The following RIMKLA variants were observed in gnomAD, a reference collection of about 807,000 sequenced individuals.
The protein encoded by RIMKLA is N-acetylaspartylglutamate synthase A.
A neutral mutation model predicts 32.7 loss-of-function variants in RIMKLA; 14 were observed. The observed-to-expected ratio is 0.43, with a 90% confidence interval of 0.28 to 0.67. The LOEUF (loss-of-function observed/expected upper bound fraction) is 0.67. RIMKLA is among the 30% of genes least tolerant of loss of function. RIMKLA has a pLI of 0.18. For missense variants in RIMKLA, 410 were observed against 519.0 expected (o/e 0.79, Z 2.04); for synonymous variants, 176 against 204.1 (o/e 0.86, Z 1.18).
In RIMKLA at chr1:42,416,096, G is replaced by GGGGC. The variant is rs1442834977; in HGVS notation, c.*1124_*1125insGCGG. ...CCCATTGCACATTTTGCGGGGGGGG[G>GGGGC]GGCTAATGTAGACATGACACCAAGT... On this transcript the variant is annotated 3_prime_UTR_variant, in exon 5 of 5. Coordinates refer to ENST00000431473, the MANE Select transcript of RIMKLA (RefSeq NM_173642.4). The GGGGC allele has an allele frequency of 4.6e-5, 6 of 131,602 alleles. 1 individual carries two copies. Among genetic ancestry groups the GGGGC allele is most frequent in the Non-Finnish European group, 1.0e-4 (6 of 58,754 alleles). The allele number at this position is 131,602 out of a possible 1,614,324, so 8.2% of individuals were successfully genotyped here.
chr1:42,419,741 A>G lies in RIMKLA; in HGVS notation c.*4767A>G, dbSNP rs1217213285. Reference sequence around the variant, plus strand: ...AAGGCATGTATATTTCCATGATGCAAGCTGGCTCATGGCCCGCACCGTCTT... The same window carrying G: ...AAGGCATGTATATTTCCATGATGCAGGCTGGCTCATGGCCCGCACCGTCTT... On this transcript the variant is annotated 3_prime_UTR_variant, in exon 5 of 5. Coordinates refer to ENST00000431473, the MANE Select transcript of RIMKLA (RefSeq NM_173642.4). 6.6e-6 allele frequency: 1 copy of G among 152,264 alleles called. No individual in the cohort carries two copies. Among genetic ancestry groups the G allele is most frequent in the Non-Finnish European group, 1.5e-5 (1 of 68,080 alleles). 9.4% of individuals were successfully genotyped at this position (152,264 alleles called of 1,614,324 possible). A position where few individuals can be genotyped will look rare whatever the true frequency, so the allele number is the denominator to read the frequency against.
At chr1:42,385,799 CT>C (rs1642933727) in intron 1 of RIMKLA, among the ~76,000 whole-genome samples, 1 of 109,272 alleles carries the variant, frequency 9.2e-6, no homozygotes, top group African/African-American at 3.2e-5. Flanking sequence ...TTCTTTCTTT[CT>C]CTCTCTCTTT....
chr1:42,411,322 G>A (rs1643195373), intron 4 of RIMKLA, among the ~76,000 whole-genome samples: 1 of 148,598 alleles, frequency 6.7e-6, no homozygotes, highest in Non-Finnish European at 1.5e-5. Flanking sequence ...GCAACAGAGT[G>A]AGACCCTATC....
chr1:42,385,890 C>CTTTCT (rs1642941377), intron 1 of RIMKLA, among the ~76,000 whole-genome samples: 1 of 95,196 alleles, frequency 1.1e-5, no homozygotes, highest in African/African-American at 3.9e-5. Context: ...TTCTTTCTTT[C>CTTTCT]TTTCTTTCCT....
intron 1 of RIMKLA, among the ~76,000 whole-genome samples, chr1:42,393,857 T>C (rs1431154259): frequency 6.6e-6 from 1 of 152,222 alleles, no homozygotes; most frequent in Admixed American, 6.5e-5. Context: ...GGATCTCGGC[T>C]CACTGCAACC....
chr1:42,404,962 A>G (rs1261516617), intron 3 of RIMKLA, among the ~76,000 whole-genome samples: 1 of 152,130 alleles, frequency 6.6e-6, no homozygotes, highest in Non-Finnish European at 1.5e-5. Flanking sequence ...ATTCCTCATC[A>G]TGAAACTGAA....
intron 1 of RIMKLA, among the ~76,000 whole-genome samples, chr1:42,387,664 C>T (rs1022791434): frequency 3.3e-5 from 5 of 152,102 alleles, no homozygotes; most frequent in South Asian, 2.1e-4. Context: ...GCAGGCTTCA[C>T]GCTCATTATT....
intron 2 of RIMKLA, 51 bp from the exon 3 acceptor site, chr1:42,404,460 G>A (rs1384181116): frequency 1.2e-5 from 15 of 1,273,858 alleles, no homozygotes; most frequent in South Asian, 2.4e-5. Context: ...TGGGGTGACC[G>A]CTACCTGACT....
At position 42,423,315 on chromosome 1, in the gene RIMKLA, A is replaced by G. The variant is rs1643309835; in HGVS notation, c.*8341A>G. The stretch of plus-strand genomic sequence containing the variant: ...GTTTCTTTCTTCTTCTCTTACATGA[A>G]AATCGTCAAACTACACAAAAGTGGA... On this transcript the variant is annotated 3_prime_UTR_variant, in exon 5 of 5. Coordinates refer to ENST00000431473, the MANE Select transcript of RIMKLA (RefSeq NM_173642.4). Among the ~76,000 whole-genome samples the G allele has an allele frequency of 6.6e-6, 1 of 152,174 alleles. No individual in the cohort carries two copies. Among genetic ancestry groups the G allele is most frequent in the Non-Finnish European group, 1.5e-5 (1 of 68,032 alleles).
chr1:42,405,171 G>A (rs1422714994), intron 3 of RIMKLA, among the ~76,000 whole-genome samples: 1 of 152,084 alleles, frequency 6.6e-6, no homozygotes, highest in African/African-American at 2.4e-5. Flanking sequence ...ATCCTTTAAG[G>A]CCAGCTCCAG....
At chr1:42,403,659 T>C (rs1643119608) in intron 2 of RIMKLA, among the ~76,000 whole-genome samples, 1 of 152,104 alleles carries the variant, frequency 6.6e-6, no homozygotes, top group Non-Finnish European at 1.5e-5. Flanking sequence ...TTTCTTTGAG[T>C]GTTGGTTTTC....
At chr1:42,392,916 C>T (rs755899160) in intron 1 of RIMKLA, among the ~76,000 whole-genome samples, 2 of 152,110 alleles carry the variant, frequency 1.3e-5, no homozygotes, top group African/African-American at 2.4e-5. Flanking sequence ...CACTTGAGCC[C>T]GGGAGGCAGG....
intron 2 of RIMKLA, among the ~76,000 whole-genome samples, chr1:42,401,833 T>G (rs752056124): frequency 5.9e-5 from 9 of 152,170 alleles, no homozygotes; most frequent in Non-Finnish European, 1.2e-4. Context: ...GGAAGATAAT[T>G]GAGCATGTTT....
rs1275516192 is a variant in RIMKLA, at chr1:42,381,236, T to A, written c.163+139T>A. The A allele has an allele frequency of 6.9e-6, 4 of 583,644 alleles. No homozygotes were observed. In the East Asian group the frequency reaches 1.0e-4, roughly 15 times the overall value. The allele number at this position is 583,644 out of a possible 1,614,324, so 36.2% of individuals were successfully genotyped here. A position where few individuals can be genotyped will look rare whatever the true frequency, so the allele number is the denominator to read the frequency against. On this transcript the variant is annotated intron_variant, in intron 1 of 4. Transcript: ENST00000431473. ...CTAGCCGCACTCTAGCTGCGAGACT[T>A]CTTGGGGTTGGAGAAAGCCGCTAAC...
Position 42,423,945 on chromosome 1 carries a change from T to A in RIMKLA, c.*8971T>A, listed in dbSNP as rs147343564. Among the ~76,000 whole-genome samples, 1 of 152,202 alleles carries A rather than the reference T, an allele frequency of 6.6e-6. No homozygotes were observed. The highest frequency in any genetic ancestry group is 2.1e-4 in the South Asian group (1 of 4,824). On this transcript the variant is annotated 3_prime_UTR_variant, in exon 5 of 5. Coordinates refer to ENST00000431473, the MANE Select transcript of RIMKLA (RefSeq NM_173642.4). The stretch of plus-strand genomic sequence containing the variant: ...CTAAGCATCTTTTGTTAGAAAATTC[T>A]GGCTGAAATTCTCATGAGATGGGTC...
chr1:42,423,776 G>A lies in RIMKLA; in HGVS notation c.*8802G>A, dbSNP rs1206627618. 3.3e-5 allele frequency among the ~76,000 whole-genome samples: 5 copies of A among 152,132 alleles called. No individual in the cohort carries two copies. Among genetic ancestry groups the A allele is most frequent in the Admixed American group, 6.5e-5 (1 of 15,276 alleles). ...CCACTTGTCTATCACGCTGGTATCC[G>A]CTGCTTTTCCTGCAGCTGCTGCTTT... On this transcript the variant is annotated 3_prime_UTR_variant, in exon 5 of 5. Transcript: ENST00000431473.
chr1:42,403,925 A>G (rs1482014049), intron 2 of RIMKLA, among the ~76,000 whole-genome samples: 1 of 152,176 alleles, frequency 6.6e-6, no homozygotes, highest in Non-Finnish European at 1.5e-5. Context: ...CTAGCCATCA[A>G]CTGGGGACAT....
intron 4 of RIMKLA, among the ~76,000 whole-genome samples, chr1:42,414,220 T>C (rs1643226158): frequency 7.2e-6 from 1 of 139,016 alleles, no homozygotes; most frequent in African/African-American, 2.6e-5. Flanking sequence ...CATCAACATC[T>C]TTGTGCATAA....
chr1:42,387,820 A>C (rs1307600789), intron 1 of RIMKLA, among the ~76,000 whole-genome samples: 1 of 152,196 alleles, frequency 6.6e-6, no homozygotes, highest in African/African-American at 2.4e-5. Context: ...GGAAAATAGG[A>C]TGTAAACAAG....
Sources: allele counts gnomAD v4.1 joint callset (sites outside exome capture counted in the v4.1 genomes callset), GRCh38; gene constraint gnomAD v4.1.1; transcripts MANE v1.5; gene names NCBI Gene and HGNC (gene_info 2026-07-23, HGNC 2026-07-21).